The following GPC5 variants were observed in gnomAD, a reference collection of about 807,000 sequenced individuals.
GPC5 encodes the protein glypican 5.
In GPC5, 47 loss-of-function variants were observed where a neutral mutation model predicts 53.9. The ratio of observed to expected loss-of-function variants is 0.87; its 90% confidence interval spans 0.69 to 1.11. GPC5 has a LOEUF of 1.11. Ranked by LOEUF, GPC5 falls within the 50% of genes most tolerant of loss-of-function variation. GPC5 has a pLI of 0.00. For missense variants in GPC5, 748 were observed against 713.1 expected (o/e 1.05, Z -0.56); for synonymous variants, 286 against 263.3 (o/e 1.09, Z -0.84).
chr13:92,699,696 A>T (rs772022694), intron 7 of GPC5, among the ~76,000 whole-genome samples: 2 of 152,164 alleles, frequency 1.3e-5, no homozygotes, highest in Non-Finnish European at 2.9e-5. Flanking sequence ...CCCAGTAGTC[A>T]TTCAGGAGCA....
intron 7 of GPC5, among the ~76,000 whole-genome samples, chr13:92,603,623 T>C (rs910095862): frequency 1.3e-5 from 2 of 152,300 alleles, no homozygotes; most frequent in African/African-American, 2.4e-5. Context: ...TCTTTCATGG[T>C]TGTATTACCT....
intron 7 of GPC5, among the ~76,000 whole-genome samples, chr13:92,356,201 A>T (rs757677793): frequency 1.3e-5 from 2 of 152,202 alleles, no homozygotes; most frequent in Non-Finnish European, 2.9e-5. Context: ...TTGAGAACAC[A>T]CACACTTAGT....
chr13:91,495,760 C>T (rs994008908), intron 2 of GPC5, among the ~76,000 whole-genome samples: 1 of 152,210 alleles, frequency 6.6e-6, no homozygotes, highest in Non-Finnish European at 1.5e-5. Context: ...TGGCGGCTCA[C>T]GCCTGGAATC....
intron 7 of GPC5, among the ~76,000 whole-genome samples, chr13:92,746,160 A>G (rs906991537): frequency 3.3e-5 from 5 of 152,098 alleles, no homozygotes; most frequent in Non-Finnish European, 5.9e-5. Context: ...TCAGCTGTAC[A>G]TCTAACTTGG....
intron 7 of GPC5, among the ~76,000 whole-genome samples, chr13:92,207,658 C>T (rs1183048342): frequency 6.6e-6 from 1 of 152,188 alleles, no homozygotes; most frequent in Non-Finnish European, 1.5e-5. Flanking sequence ...GCCCTTCTTG[C>T]CTTCATCTTC....
chr13:91,671,264 T>A (rs1313712183), intron 2 of GPC5, among the ~76,000 whole-genome samples: 1 of 152,192 alleles, frequency 6.6e-6, no homozygotes, highest in Non-Finnish European at 1.5e-5. Flanking sequence ...TTTAGAGTTA[T>A]GCAAAGTAGT....
intron 7 of GPC5, among the ~76,000 whole-genome samples, chr13:92,600,699 G>A (rs1594336638): frequency 1.3e-5 from 2 of 150,992 alleles, no homozygotes; most frequent in East Asian, 3.9e-4. Flanking sequence ...TAGAGATGGG[G>A]TTTCACCCTG....
chr13:92,674,368 T>G (rs781460535), intron 7 of GPC5, among the ~76,000 whole-genome samples: 1 of 152,174 alleles, frequency 6.6e-6, no homozygotes, highest in Non-Finnish European at 1.5e-5. Context: ...TTAAAAGTTA[T>G]CTGGCTGCCC....
At chr13:92,203,353 T>C (rs1223261517) in intron 7 of GPC5, among the ~76,000 whole-genome samples, 3 of 147,880 alleles carry the variant, frequency 2.0e-5, no homozygotes, top group Non-Finnish European at 4.5e-5. Flanking sequence ...TGGATGAAAT[T>C]GGAAACCATC....
intron 7 of GPC5, among the ~76,000 whole-genome samples, chr13:92,334,211 G>T (rs867758899): frequency 6.6e-6 from 1 of 152,176 alleles, no homozygotes; most frequent in Non-Finnish European, 1.5e-5. Context: ...GGCTAGGGAG[G>T]CCTCTCAGTC....
intron 7 of GPC5, among the ~76,000 whole-genome samples, chr13:92,500,356 A>T (rs374839672): frequency 6.6e-6 from 1 of 152,192 alleles, no homozygotes; most frequent in African/African-American, 2.4e-5. Context: ...TCAGCACACA[A>T]TAAATGACAA....
At chr13:91,512,961 A>G (rs1254891768) in intron 2 of GPC5, among the ~76,000 whole-genome samples, 3 of 152,226 alleles carry the variant, frequency 2.0e-5, no homozygotes, top group East Asian at 3.8e-4. Context: ...TTAACCAGAT[A>G]CAGGTCTCAT....
intron 4 of GPC5, among the ~76,000 whole-genome samples, chr13:91,729,049 G>T (rs982595567): frequency 6.6e-6 from 1 of 152,128 alleles, no homozygotes. Flanking sequence ...AATATGGCTA[G>T]TGGCTATTGT....
At chr13:92,015,795 T>C (rs1390682157) in intron 6 of GPC5, among the ~76,000 whole-genome samples, 1 of 152,218 alleles carries the variant, frequency 6.6e-6, no homozygotes, top group South Asian at 2.1e-4. Context: ...ATATAGCAAT[T>C]ATTGTTGCAA....
At chr13:91,532,521 C>G (rs920693571) in intron 2 of GPC5, among the ~76,000 whole-genome samples, 3 of 152,024 alleles carry the variant, frequency 2.0e-5, no homozygotes, top group African/African-American at 7.3e-5. Flanking sequence ...GTCTTATGAA[C>G]TATTCTTGGG....
chr13:92,117,484 C>T (rs1486346000), intron 6 of GPC5, among the ~76,000 whole-genome samples: 1 of 152,162 alleles, frequency 6.6e-6, no homozygotes, highest in Non-Finnish European at 1.5e-5. Flanking sequence ...TTGCCCTACA[C>T]ATTTTAGAAT....
intron 7 of GPC5, among the ~76,000 whole-genome samples, chr13:92,832,625 C>A (rs1387137029): frequency 5.9e-5 from 9 of 152,066 alleles, no homozygotes; most frequent in Admixed American, 5.9e-4. Flanking sequence ...CTGCTCATTC[C>A]TCTTGGTACC....
chr13:92,677,239 A>T (rs570058527), intron 7 of GPC5, among the ~76,000 whole-genome samples: 1 of 152,272 alleles, frequency 6.6e-6, no homozygotes, highest in African/African-American at 2.4e-5. Context: ...TCAAGACCCA[A>T]CATATTTTTA....
intron 7 of GPC5, among the ~76,000 whole-genome samples, chr13:92,432,357 GTTT>G (rs57952325): frequency 3.1e-4 from 35 of 111,368 alleles, no homozygotes; most frequent in African/African-American, 1.0e-3. Flanking sequence ...TTGGTGGTGG[GTTT>G]TTTTTTTTTT....
Sources: gnomAD v4.1 joint callset for allele counts (sites outside exome capture counted in the v4.1 genomes callset) on GRCh38, gnomAD v4.1.1 for gene constraint, MANE v1.5 for transcripts, NCBI Gene and HGNC (gene_info 2026-07-23, HGNC 2026-07-21) for gene names.